MTFR1: variants seen among roughly 807,000 people sequenced by gnomAD.
MTFR1 encodes the protein mitochondrial fission regulator 1, also known as chondrocyte protein with a poly-proline region.
A neutral mutation model predicts 38.8 loss-of-function variants in MTFR1; 28 were observed. The ratio of observed to expected loss-of-function variants is 0.72; its 90% CI spans 0.53 to 0.99. MTFR1 has a LOEUF of 0.99. Ranked by LOEUF, MTFR1 falls within the 50% of genes least tolerant of loss-of-function variation. The probability of loss-of-function intolerance (pLI) is 0.00; values close to 1 mark genes in which losing one functional copy is unlikely to be tolerated. For synonymous variants in MTFR1, 145 were observed against 137.0 expected (o/e 1.06, Z -0.41); for missense variants, 358 against 395.5 (o/e 0.91, Z 0.81).
intron 1 of MTFR1, among the ~76,000 whole-genome samples, chr8:65,657,984 A>G (rs892171863): frequency 1.3e-5 from 2 of 152,146 alleles, no homozygotes; most frequent in South Asian, 4.1e-4. Context: ...GTGGACTGTC[A>G]TCTGTGTTGC....
intron 5 of MTFR1, among the ~76,000 whole-genome samples, chr8:65,706,181 C>G (rs1205771967): frequency 6.6e-6 from 1 of 152,216 alleles, no homozygotes; most frequent in Non-Finnish European, 1.5e-5. Context: ...AAATTCTCCA[C>G]TCCTACCTTT....
chr8:65,695,197 G>A (rs950997237), intron 4 of MTFR1, among the ~76,000 whole-genome samples: 1 of 152,122 alleles, frequency 6.6e-6, no homozygotes, highest in Non-Finnish European at 1.5e-5. Flanking sequence ...GGCAGAAGAG[G>A]TTCAAAGCCA....
Position 65,655,955 on chromosome 8 carries a change from TATATATATATATACC to T in MTFR1, c.-81+11185_-81+11199del, listed in dbSNP as rs1470462711. ...AGACTCTGTCTTAAAAAAAAAAATA[TATATATATATATACC>T]ATATATATATATATGGTAGTGGGTT... is the stretch of plus-strand genomic sequence containing the variant. On this transcript the variant is annotated intron_variant, in intron 1 of 7. Coordinates refer to ENST00000262146, the MANE Select transcript of MTFR1 (RefSeq NM_014637.4). Among the ~76,000 whole-genome samples, 22 of 32,838 alleles carry T rather than the reference TATATATATATATACC, an allele frequency of 6.7e-4. 2 individuals carry two copies. Among genetic ancestry groups the T allele is most frequent in the South Asian group, 6.4e-3 (9 of 1,416 alleles). 21.5% of individuals were successfully genotyped at this position (32,838 alleles called of 152,430 possible).
chr8:65,688,471 C>G (rs1176212399), intron 3 of MTFR1, among the ~76,000 whole-genome samples: 10 of 133,044 alleles, frequency 7.5e-5, no homozygotes, highest in Admixed American at 8.1e-5. Context: ...TTTTTTGAGA[C>G]GGAGTCTTGC....
chr8:65,661,275 T>TGGG (rs1809407078), intron 1 of MTFR1, among the ~76,000 whole-genome samples: 1 of 152,194 alleles, frequency 6.6e-6, no homozygotes, highest in Non-Finnish European at 1.5e-5. Context: ...CACTCTTGTG[T>TGGG]GGGATATTGA....
chr8:65,766,853 G>T (rs971721649), intron 3 of MTFR1, among the ~76,000 whole-genome samples: 2 of 152,192 alleles, frequency 1.3e-5, no homozygotes, highest in African/African-American at 2.4e-5. Context: ...CTTAATGGGT[G>T]TAATACTTAG....
intron 2 of MTFR1, among the ~76,000 whole-genome samples, chr8:65,677,134 C>A (rs181543811): frequency 1.5e-5 from 2 of 132,344 alleles, no homozygotes; most frequent in Non-Finnish European, 3.0e-5. Context: ...AGTGCAGTGG[C>A]GCGATCTTGC....
Position 65,707,231 on chromosome 8 carries a change from A to G in MTFR1, c.739A>G (p.Ser247Gly), listed in dbSNP as rs760736438. 10 of 1,614,006 alleles carry G rather than the reference A, an allele frequency of 6.2e-6. No individual in the cohort carries two copies. The South Asian group carries it at 6.6e-5, about 11-fold the overall frequency. The change falls in exon 6 of 8, where the codon AGT becomes GGT. Residue 247 changes from serine to glycine, a missense_variant. Coordinates refer to ENST00000262146, the MANE Select transcript of MTFR1 (RefSeq NM_014637.4). ...GCTAGAGATCCTTAAAGAGATGAAC[A>G]GTGTAAAACTTCGGTCAGTGAAGAG... Reference protein sequence around the residue: ...NMLEILKEMNSVKLRSVKRSE... With the variant: ...NMLEILKEMNGVKLRSVKRSE...
chr8:65,699,355 C>T lies in MTFR1; in HGVS notation c.282-5339C>T, dbSNP rs145246782. On this transcript the variant is annotated intron_variant, in intron 4 of 7. Transcript: ENST00000262146. ...GATTTATTTTCCTTTAGGTATATAC[C>T]CAATAGAGGGATTGCTGGGTCAAAC... Among the ~76,000 whole-genome samples the T allele has an allele frequency of 2.6e-4, 39 of 152,200 alleles. 2 individuals carry two copies. The East Asian group carries it at 7.5e-3, about 29-fold the overall frequency.
At chr8:65,777,137 C>CAAT in the MTFR1 span, among the ~76,000 whole-genome samples, 1 of 136,064 alleles carries the variant, frequency 7.3e-6, no homozygotes, top group Non-Finnish European at 1.5e-5. Flanking sequence ...GACTGGAGTG[C>CAAT]AATGCAATCC....
intron 3 of MTFR1, among the ~76,000 whole-genome samples, chr8:65,768,511 T>C (rs1202121058): frequency 6.6e-6 from 1 of 152,212 alleles, no homozygotes; most frequent in Non-Finnish European, 1.5e-5. Context: ...CCTTCGGCCG[T>C]AATTGTGAGG....
chr8:65,772,031 G>GA (rs1563500892), downstream of MTFR1, among the ~76,000 whole-genome samples: 1 of 152,038 alleles, frequency 6.6e-6, no homozygotes, highest in Non-Finnish European at 1.5e-5. Context: ...TAACGAGGCA[G>GA]AAAAGAGATG....
intron 1 of MTFR1, among the ~76,000 whole-genome samples, chr8:65,666,298 C>T (rs1804380885): frequency 6.6e-6 from 1 of 152,008 alleles, no homozygotes; most frequent in South Asian, 2.1e-4. Flanking sequence ...TCCCAGCTCT[C>T]AGGAGGCTGA....
At chr8:65,770,904 T>G (rs941111636) in intron 3 of MTFR1, 1 of 175,544 alleles carries the variant, frequency 5.7e-6, no homozygotes, top group East Asian at 1.8e-4. Context: ...TGTGTTTCTG[T>G]GCTCAACTGA....
chr8:65,709,330 A>G lies in MTFR1; in HGVS notation c.*286A>G, dbSNP rs80330597. 3,041 of 316,370 alleles carry G rather than the reference A, an allele frequency of 9.6e-3. 91 individuals are homozygous for G. The highest frequency in any genetic ancestry group is 0.058 in the African/African-American group (2,815 of 48,224). The allele number at this position is 316,370 out of a possible 1,614,324, so 19.6% of individuals were successfully genotyped here. A position where few individuals can be genotyped will look rare whatever the true frequency, so the allele number is the denominator to read the frequency against. On this transcript the variant is annotated 3_prime_UTR_variant, in exon 8 of 8. Transcript: ENST00000262146. ...TGAAAACAATTGTATAGATTTCACA[A>G]CACAAAAAGGACATTTGTGGATGTT...
intron 3 of MTFR1, chr8:65,725,590 C>T (rs1395942301): frequency 1.3e-5 from 2 of 152,312 alleles, no homozygotes; most frequent in Non-Finnish European, 2.9e-5. Context: ...GATAAACATA[C>T]TTAAAAAAAA....
chr8:65,727,445 G>T, intron 3 of MTFR1: 1 of 1,176,756 alleles, frequency 8.5e-7, no homozygotes, highest in Non-Finnish European at 1.2e-6. Context: ...TGTTCATTAG[G>T]TTCACCAAGC....
intron 3 of MTFR1, chr8:65,747,713 C>T (rs148818295): frequency 1.1e-5 from 17 of 1,611,286 alleles, no homozygotes; most frequent in Admixed American, 1.7e-5. Flanking sequence ...CGCAGTACCA[C>T]GAAAAAAGCG....
intron 3 of MTFR1, among the ~76,000 whole-genome samples, chr8:65,770,248 G>A (rs561540918): frequency 2.6e-5 from 4 of 151,356 alleles, no homozygotes; most frequent in South Asian, 2.1e-4. Flanking sequence ...TGTTTTCAAC[G>A]CTGCTGATAA....
Sources: gnomAD v4.1 joint callset for allele counts (sites outside exome capture counted in the v4.1 genomes callset) on GRCh38, gnomAD v4.1.1 for gene constraint, MANE v1.5 for transcripts, NCBI Gene and HGNC (gene_info 2026-07-23, HGNC 2026-07-21) for gene names.